Variants in ANGPT1 observed in about 807,000 individuals in gnomAD.
ANGPT1 encodes the protein angiopoietin 1.
A neutral mutation model predicts 62.2 loss-of-function variants in ANGPT1; 17 were observed. The observed-to-expected ratio is 0.27, with a 90% CI of 0.19 to 0.41. The LOEUF is 0.41. Ranked by LOEUF, ANGPT1 falls within the 10% of genes least tolerant of loss-of-function variation. The pLI is 1.00. For synonymous variants in ANGPT1, 199 were observed against 198.9 expected, an observed-to-expected ratio of 1.00 and a Z score of 0.00; for missense variants, 478 against 594.9, an observed-to-expected ratio of 0.80 and a Z score of 2.04.
At chr8:107,387,999 A>G (rs538908155) in intron 1 of ANGPT1, among the ~76,000 whole-genome samples, 12 of 152,002 alleles carry the variant, frequency 7.9e-5, no homozygotes, top group Non-Finnish European at 8.8e-5. Flanking sequence ...AGTATGAATA[A>G]GTTAGACAAT....
chr8:107,397,378 C>T (rs1213795053), intron 1 of ANGPT1, among the ~76,000 whole-genome samples: 7 of 152,136 alleles, frequency 4.6e-5, no homozygotes, highest in Non-Finnish European at 1.0e-4. Flanking sequence ...GCTTTTGACT[C>T]ATACAAATAT....
chr8:107,448,942 T>C (rs1586331288), intron 1 of ANGPT1, among the ~76,000 whole-genome samples: 2 of 152,096 alleles, frequency 1.3e-5, no homozygotes, highest in Admixed American at 1.3e-4. Flanking sequence ...AGTCTTCTTA[T>C]GAGAGGGTTC....
rs576938933 is a variant in ANGPT1, at chr8:107,251,729, A to G, written c.*126T>C. 71 of 1,225,184 alleles carry G rather than the reference A, an allele frequency of 5.8e-5. No homozygotes were observed. The highest frequency in any genetic ancestry group is 7.1e-5 in the Non-Finnish European group (63 of 886,602). 75.9% of individuals were successfully genotyped at this position (1,225,184 alleles called of 1,614,324 possible). A position where few individuals can be genotyped will look rare whatever the true frequency, so the allele number is the denominator to read the frequency against. ...CGGTCAAGAACCTTGGTGACTTCAC[A>G]TAACTACCACTTATTGCTGGAAGGG... On this transcript the variant is annotated 3_prime_UTR_variant, in exon 9 of 9. Transcript: ENST00000517746.
intron 1 of ANGPT1, among the ~76,000 whole-genome samples, chr8:107,446,997 T>C (rs76073185): frequency 1.9e-3 from 290 of 152,280 alleles, no homozygotes; most frequent in Middle Eastern, 0.017. Context: ...TCTAGTAGAG[T>C]TGCCCAGATT....
chr8:107,422,914 G>T (rs1469998089), intron 1 of ANGPT1, among the ~76,000 whole-genome samples: 1 of 152,078 alleles, frequency 6.6e-6, no homozygotes, highest in South Asian at 2.1e-4. Context: ...AAACATTTTC[G>T]CAGAGAAATT....
intron 8 of ANGPT1, among the ~76,000 whole-genome samples, chr8:107,253,718 C>G (rs779767903): frequency 6.6e-6 from 1 of 152,006 alleles, no homozygotes; most frequent in African/African-American, 2.4e-5. Flanking sequence ...CAGAGGAGTG[C>G]GGAAAGACAG....
intron 5 of ANGPT1, among the ~76,000 whole-genome samples, chr8:107,298,297 T>C (rs1814469193): frequency 6.6e-6 from 1 of 151,982 alleles, no homozygotes; most frequent in African/African-American, 2.4e-5. Flanking sequence ...TTTGTTACAG[T>C]ACTTTTCCAA....
At chr8:107,360,886 G>A (rs759550828) in intron 1 of ANGPT1, among the ~76,000 whole-genome samples, 1 of 152,204 alleles carries the variant, frequency 6.6e-6, no homozygotes, top group Non-Finnish European at 1.5e-5. Context: ...TGAGGACTTT[G>A]TAAGCCCAGC....
At chr8:107,396,933 TCTC>T (rs1816948972) in intron 1 of ANGPT1, among the ~76,000 whole-genome samples, 1 of 151,976 alleles carries the variant, frequency 6.6e-6, no homozygotes, top group African/African-American at 2.4e-5. Flanking sequence ...CTTCAGCAAC[TCTC>T]CTTTCTATCT....
At chr8:107,475,654 C>A (rs183346199) in intron 1 of ANGPT1, among the ~76,000 whole-genome samples, 3 of 152,276 alleles carry the variant, frequency 2.0e-5, no homozygotes, top group African/African-American at 7.2e-5. Context: ...AGGCAACCTA[C>A]AGAATGGGAG....
chr8:107,353,396 C>T (rs1024595797), intron 1 of ANGPT1, among the ~76,000 whole-genome samples: 13 of 152,272 alleles, frequency 8.5e-5, no homozygotes, highest in Admixed American at 3.3e-4. Context: ...CAATGGCTGT[C>T]GGTACCTTAG....
intron 3 of ANGPT1, among the ~76,000 whole-genome samples, chr8:107,324,045 C>T (rs1483736513): frequency 1.3e-5 from 2 of 151,494 alleles, no homozygotes; most frequent in Non-Finnish European, 2.9e-5. Context: ...TCCCAAAGTG[C>T]TGGGATTACA....
intron 1 of ANGPT1, among the ~76,000 whole-genome samples, chr8:107,459,723 A>AG (rs1563632470): frequency 1.3e-5 from 2 of 152,106 alleles, no homozygotes; most frequent in African/African-American, 4.8e-5. Context: ...AAAATAAGTT[A>AG]TTTTTTGTAT....
intron 8 of ANGPT1, among the ~76,000 whole-genome samples, chr8:107,258,165 T>C (rs1243556789): frequency 6.6e-6 from 1 of 151,966 alleles, no homozygotes; most frequent in African/African-American, 2.4e-5. Context: ...AACGGTACAA[T>C]AGAGCTCTGT....
chr8:107,474,119 A>G (rs184308872), intron 1 of ANGPT1, among the ~76,000 whole-genome samples: 2 of 152,144 alleles, frequency 1.3e-5, no homozygotes, highest in Admixed American at 6.6e-5. Flanking sequence ...CCAAAGCCTG[A>G]CAGAGACACA....
chr8:107,410,724 T>A (rs1473146055), intron 1 of ANGPT1, among the ~76,000 whole-genome samples: 1 of 152,118 alleles, frequency 6.6e-6, no homozygotes, highest in Non-Finnish European at 1.5e-5. Flanking sequence ...AAATGGACAA[T>A]GTGGTAGTTT....
rs1207570258 is a variant in ANGPT1 at position 107,497,618 on chromosome 8, C to T, written c.-60G>A. On this transcript the variant is annotated 5_prime_UTR_variant, in exon 1 of 9. Transcript: ENST00000517746. ...AAAACTTGCTCCTTTCTTCTGACCT[C>T]TAAAACTAGTTCTTTATTTCAGGTA... 3 of 1,510,436 alleles carry T rather than the reference C, an allele frequency of 2.0e-6. No individual in the cohort carries two copies. 93.6% of individuals were successfully genotyped at this position (1,510,436 alleles called of 1,614,324 possible). A position where few individuals can be genotyped will look rare whatever the true frequency, so the allele number is the denominator to read the frequency against.
At chr8:107,346,152 G>T (rs1034889241) in intron 2 of ANGPT1, among the ~76,000 whole-genome samples, 1 of 151,966 alleles carries the variant, frequency 6.6e-6, no homozygotes, top group Non-Finnish European at 1.5e-5. Context: ...TGCCAGTATC[G>T]CAAATGAAAG....
At chr8:107,410,496 C>T (rs1817246244) in intron 1 of ANGPT1, among the ~76,000 whole-genome samples, 1 of 152,138 alleles carries the variant, frequency 6.6e-6, no homozygotes, top group South Asian at 2.1e-4. Flanking sequence ...GTTTTCTAAA[C>T]CTCTATTTCC....
Sources: allele counts gnomAD v4.1 joint callset (sites outside exome capture counted in the v4.1 genomes callset), GRCh38; gene constraint gnomAD v4.1.1; transcripts MANE v1.5; gene names NCBI Gene and HGNC (gene_info 2026-07-23, HGNC 2026-07-21).